HAGH: variants seen among roughly 807,000 people sequenced by gnomAD.
The protein encoded by HAGH is hydroxyacylglutathione hydrolase.
Under a neutral mutation model 35.1 loss-of-function variants are expected in HAGH, and 29 were observed. The ratio of observed to expected loss-of-function variants is 0.83; its 90% confidence interval spans 0.62 to 1.13. The LOEUF (loss-of-function observed/expected upper bound fraction) is 1.13, where lower values mean the gene tolerates loss of function less well. Ranked by LOEUF, HAGH falls within the 50% of genes most tolerant of loss-of-function variation. The probability of loss-of-function intolerance (pLI) is 0.00; values close to 1 mark genes in which losing one functional copy is unlikely to be tolerated. For synonymous variants in HAGH, 225 were observed against 176.1 expected, an observed-to-expected ratio of 1.28 and a Z score of -2.20; for missense variants, 478 against 419.6, an observed-to-expected ratio of 1.14 and a Z score of -1.22.
At chr16:1,823,246 A>C (rs1161122585) in intron 1 of HAGH, among the ~76,000 whole-genome samples, 1 of 151,310 alleles carries the variant, frequency 6.6e-6, no homozygotes, top group East Asian at 1.9e-4. Flanking sequence ...AGCCTGGGCA[A>C]CATAGCAAGA....
At position 1,822,850 on chromosome 16, in the gene HAGH, C is replaced by A. The variant is rs779882036; in HGVS notation, c.249+15G>T. The A allele has an allele frequency of 2.5e-6, 4 of 1,608,522 alleles. No homozygotes were observed. The highest frequency in any genetic ancestry group is 3.4e-6 in the Non-Finnish European group (4 of 1,175,728). On this transcript the variant is annotated intron_variant, in intron 2 of 8. Transcript: ENST00000397356. ...GGTGACCAGGGCAGGGAGAGCCAGG[C>A]ACAGCCATGCGCACCTTCTGGGGCT...
At position 1,817,002 on chromosome 16, in the gene HAGH, G is replaced by C; in HGVS notation, c.646-8C>G. 6.3e-7 allele frequency: 1 copy of C among 1,591,316 alleles called. No individual in the cohort carries two copies. Among genetic ancestry groups the C allele is most frequent in the South Asian group, 1.1e-5 (1 of 90,610 alleles). On this transcript the variant is annotated splice_region_variant and splice_polypyrimidine_tract_variant and intron_variant, in intron 6 of 8. Transcript: ENST00000397356. ...GTGGCCACAGTAGACTCTCTGAGGA[G>C]AGAGGTGACAGGTGAGCTCGGAAGG...
chr16:1,817,844 G>A (rs554010697), intron 5 of HAGH, among the ~76,000 whole-genome samples: 1 of 152,222 alleles, frequency 6.6e-6, no homozygotes, highest in Non-Finnish European at 1.5e-5. Flanking sequence ...CTTCGCGGCT[G>A]TCCTGGCCTC....
intron 7 of HAGH, 142 bp from the exon 8 acceptor site, chr16:1,809,975 A>C: frequency 1.5e-6 from 1 of 656,160 alleles, no homozygotes. Flanking sequence ...ACCAGCCTGG[A>C]CAACATGGCG....
At chr16:1,813,502 C>T (rs1897755080) in intron 7 of HAGH, among the ~76,000 whole-genome samples, 1 of 152,176 alleles carries the variant, frequency 6.6e-6, no homozygotes. Context: ...ATAATCATGA[C>T]CAGAAGTGCT....
intron 7 of HAGH, among the ~76,000 whole-genome samples, chr16:1,811,520 C>A (rs780819022): frequency 2.7e-4 from 41 of 152,066 alleles, no homozygotes; most frequent in Non-Finnish European, 5.9e-4. Context: ...TGAGACCGGC[C>A]TGGCCAACAT....
At chr16:1,822,470 C>A (rs887955382) in intron 2 of HAGH, 106 bp from the exon 3 acceptor site, 2 of 884,028 alleles carry the variant, frequency 2.3e-6, no homozygotes, top group Admixed American at 1.7e-5. Context: ...CCATGAGGGG[C>A]CGCTGACATG....
intron 5 of HAGH, chr16:1,818,780 A>C (rs1898017838): frequency 6.8e-6 from 2 of 292,660 alleles, no homozygotes; most frequent in East Asian, 1.7e-4. Context: ...AGTCCACACT[A>C]CGGCATCAAG....
In HAGH at chr16:1,819,110, C is replaced by G; in HGVS notation, c.541+5G>C. On this transcript the variant is annotated splice_donor_5th_base_variant and intron_variant, in intron 5 of 8. Transcript: ENST00000397356. Reference sequence around the variant, plus strand: ...CCCCGCCCCCACCCACACTCGAACACGCACCTGTGAACACGGCAGGGGGCT... The same window carrying G: ...CCCCGCCCCCACCCACACTCGAACAGGCACCTGTGAACACGGCAGGGGGCT... The G allele has an allele frequency of 6.3e-7, 1 of 1,578,482 alleles. No homozygotes were observed. Among genetic ancestry groups the G allele is most frequent in the African/African-American group, 1.3e-5 (1 of 74,346 alleles).
At position 1,820,076 on chromosome 16, in the gene HAGH, AG is replaced by A. The variant is rs149827819; in HGVS notation, c.315-63del. ...GCTGAGGGGGCTGCCTGCTGAGCTG[AG>A]GGGGCTGCCTGCTGAGCTGAGGGGC... On this transcript the variant is annotated intron_variant, in intron 3 of 8. Transcript: ENST00000397356. The A allele has an allele frequency of 2.0e-3, 1,464 of 740,074 alleles. 14 individuals are homozygous for A. In the African/African-American group the frequency reaches 0.036, roughly 18 times the overall value. 45.8% of individuals were successfully genotyped at this position (740,074 alleles called of 1,614,324 possible).
intron 3 of HAGH, 152 bp downstream of exon 3, chr16:1,822,148 G>A (rs781493373): frequency 1.1e-5 from 7 of 628,290 alleles, no homozygotes; most frequent in Admixed American, 4.6e-5. Context: ...TGGGGGCTAC[G>A]GTGAGTCCCG....
At position 1,817,693 on chromosome 16, in the gene HAGH, C is replaced by CCT. The variant is rs1233755263; in HGVS notation, c.542-424_542-423dup. 2.6e-5 allele frequency among the ~76,000 whole-genome samples: 4 copies of CCT among 152,242 alleles called. No homozygotes were observed. In the East Asian group the frequency reaches 7.7e-4, roughly 29 times the overall value. On this transcript the variant is annotated intron_variant, in intron 5 of 8. Transcript: ENST00000397356. ...ACCCTGGCTGAGCTGAGCGGGACCA[C>CCT]CTCTCACCCATGGCGGAAGATGCGG...
At chr16:1,823,636 C>T (rs890131017) in intron 1 of HAGH, among the ~76,000 whole-genome samples, 3 of 149,660 alleles carry the variant, frequency 2.0e-5, no homozygotes, top group Middle Eastern at 3.5e-3. Flanking sequence ...CCAGCTACTC[C>T]GGAGGCTGAG....
At chr16:1,820,999 A>G (rs1377508708) in intron 3 of HAGH, among the ~76,000 whole-genome samples, 1 of 152,176 alleles carries the variant, frequency 6.6e-6, no homozygotes, top group Non-Finnish European at 1.5e-5. Context: ...CGAGGCCGGG[A>G]GAGGCAGGGA....
intron 2 of HAGH, 92 bp downstream of exon 2, chr16:1,822,773 T>C: frequency 1.8e-6 from 2 of 1,083,568 alleles, no homozygotes; most frequent in Admixed American, 1.8e-5. Flanking sequence ...TTAGGCAAAG[T>C]TGCAAGGACA....
intron 7 of HAGH, chr16:1,812,330 C>G (rs1312825925): frequency 6.6e-6 from 1 of 151,592 alleles, no homozygotes; most frequent in Non-Finnish European, 1.5e-5. Context: ...ATGGTAAAAC[C>G]CCATCTCTAC....
At chr16:1,815,144 G>A (rs1897837054) in intron 7 of HAGH, among the ~76,000 whole-genome samples, 1 of 151,746 alleles carries the variant, frequency 6.6e-6, no homozygotes, top group African/African-American at 2.4e-5. Context: ...TTTAAAGGCA[G>A]TGAGACGCCA....
chr16:1,810,810 C>G (rs1302545003), intron 7 of HAGH: 1 of 152,290 alleles, frequency 6.6e-6, no homozygotes, highest in East Asian at 1.9e-4. Context: ...CGGTGAGTGA[C>G]TCTTCAGCTG....
At chr16:1,825,502 C>G (rs1057156662) in intron 1 of HAGH, among the ~76,000 whole-genome samples, 2 of 152,166 alleles carry the variant, frequency 1.3e-5, no homozygotes, top group Admixed American at 6.5e-5. Context: ...AACTGTAATA[C>G]TTTGTACAAA....
Sources: allele counts gnomAD v4.1 joint callset (sites outside exome capture counted in the v4.1 genomes callset), GRCh38; gene constraint gnomAD v4.1.1; transcripts MANE v1.5; gene names NCBI Gene and HGNC (gene_info 2026-07-23, HGNC 2026-07-21).